The following ADORA2B variants were observed in gnomAD, a reference collection of about 807,000 sequenced individuals.
ADORA2B encodes adenosine receptor A2b.
A neutral mutation model predicts 20.8 loss-of-function variants in ADORA2B; 18 were observed. That is an observed-to-expected ratio of 0.87 (90% confidence interval 0.60 to 1.29). The LOEUF is 1.29. Ranked by LOEUF, ADORA2B falls within the 50% of genes most tolerant of loss-of-function variation. The pLI, the probability that ADORA2B is intolerant of heterozygous loss-of-function variation, is 0.00. For missense variants in ADORA2B, 441 were observed against 422.7 expected (o/e 1.04, Z -0.38); for synonymous variants, 179 against 178.3 (o/e 1.00, Z -0.03).
At chr17:15,885,366 G>A in the ADORA2B span, among the ~76,000 whole-genome samples, 1 of 152,168 alleles carries the variant, frequency 6.6e-6, no homozygotes. Context: ...ATAGACAGAA[G>A]GTTGTAAAAT....
chr17:15,946,285 CTATT>C (rs764797828), intron 1 of ADORA2B, among the ~76,000 whole-genome samples: 2 of 152,334 alleles, frequency 1.3e-5, no homozygotes, highest in South Asian at 2.1e-4. Context: ...CCTTGTGTAA[CTATT>C]TATCTCCTGC....
the ADORA2B span, among the ~76,000 whole-genome samples, chr17:15,906,838 A>G: frequency 6.6e-6 from 1 of 152,360 alleles, no homozygotes; most frequent in East Asian, 1.9e-4. Context: ...TTTCTTCACA[A>G]ATTCTCAAAT....
chr17:15,890,910 T>C, the ADORA2B span, among the ~76,000 whole-genome samples: 212 of 152,316 alleles, frequency 1.4e-3, 1 homozygote, highest in African/African-American at 4.9e-3. Context: ...GTGCTCTCCA[T>C]GTGCAGCACG....
chr17:15,862,829 CAG>C, the ADORA2B span, among the ~76,000 whole-genome samples: 1 of 141,442 alleles, frequency 7.1e-6, no homozygotes, highest in African/African-American at 2.7e-5. Flanking sequence ...TTTTGGGAGA[CAG>C]AGTCTCACTG....
chr17:15,877,456 G>A, the ADORA2B span, among the ~76,000 whole-genome samples: 1 of 152,088 alleles, frequency 6.6e-6, no homozygotes, highest in Non-Finnish European at 1.5e-5. Context: ...AGCTCCTGAT[G>A]TCAGTGTCTT....
intron 1 of ADORA2B, among the ~76,000 whole-genome samples, chr17:15,957,211 A>G (rs1315079351): frequency 6.6e-6 from 1 of 152,220 alleles, no homozygotes; most frequent in East Asian, 1.9e-4. Flanking sequence ...GATGCCAGCC[A>G]TGGAGTTCAG....
chr17:15,863,726 C>T, the ADORA2B span, among the ~76,000 whole-genome samples: 49,352 of 151,856 alleles, frequency 0.32, 8,633 homozygotes, highest in African/African-American at 0.45. Flanking sequence ...TGTATAGATA[C>T]CCTTAATTCA....
the ADORA2B span, among the ~76,000 whole-genome samples, chr17:15,865,382 C>A: frequency 2.0e-5 from 3 of 151,474 alleles, no homozygotes; most frequent in African/African-American, 7.3e-5. Flanking sequence ...CTGCCTCGAC[C>A]TCCGGAGTAG....
the ADORA2B span, among the ~76,000 whole-genome samples, chr17:15,900,827 G>A: frequency 6.6e-6 from 1 of 152,182 alleles, no homozygotes; most frequent in South Asian, 2.1e-4. Context: ...GCGTTTCCCA[G>A]ATCTTAGAAA....
At chr17:15,888,815 CATATATATATATATATATAT>C in the ADORA2B span, among the ~76,000 whole-genome samples, 5 of 15,734 alleles carry the variant, frequency 3.2e-4, no homozygotes, top group South Asian at 3.4e-3. Flanking sequence ...TATGTGATGC[CATATATATATATATATATAT>C]ATATATATAT....
chr17:15,921,056 C>CGAT, the ADORA2B span, among the ~76,000 whole-genome samples: 1 of 152,274 alleles, frequency 6.6e-6, no homozygotes, highest in Non-Finnish European at 1.5e-5. Context: ...GCCTTCCGAT[C>CGAT]ATTCCAGGAT....
At chr17:15,856,562 G>A in the ADORA2B span, among the ~76,000 whole-genome samples, 2 of 152,136 alleles carry the variant, frequency 1.3e-5, no homozygotes, top group Non-Finnish European at 2.9e-5. Context: ...AAGATAGGAA[G>A]ATGTGGGAAA....
At chr17:15,885,032 G>C in the ADORA2B span, among the ~76,000 whole-genome samples, 1 of 152,100 alleles carries the variant, frequency 6.6e-6, no homozygotes, top group Non-Finnish European at 1.5e-5. Context: ...TTTACACTCC[G>C]ACCAGCAGTG....
At chr17:15,936,524 T>C in the ADORA2B span, among the ~76,000 whole-genome samples, 1 of 152,038 alleles carries the variant, frequency 6.6e-6, no homozygotes, top group Non-Finnish European at 1.5e-5. Flanking sequence ...TTCACCATGT[T>C]GGTTAGGCTG....
At chr17:15,937,602 C>T in the ADORA2B span, among the ~76,000 whole-genome samples, 21 of 149,698 alleles carry the variant, frequency 1.4e-4, no homozygotes, top group Admixed American at 1.2e-3. Flanking sequence ...AATGGAGTTT[C>T]GCTCTTGTTA....
At chr17:15,936,721 G>A in the ADORA2B span, among the ~76,000 whole-genome samples, 267 of 152,320 alleles carry the variant, frequency 1.8e-3, 2 homozygotes, top group African/African-American at 6.1e-3. Context: ...TTTGGGCACC[G>A]GAGGCAGAAG....
the ADORA2B span, among the ~76,000 whole-genome samples, chr17:15,887,104 C>T: frequency 7.6e-6 from 1 of 130,780 alleles, no homozygotes; most frequent in East Asian, 2.0e-4. Flanking sequence ...GGCCCAGCCA[C>T]TCCTGAGATG....
At chr17:15,873,005 T>C in the ADORA2B span, among the ~76,000 whole-genome samples, 2 of 152,168 alleles carry the variant, frequency 1.3e-5, no homozygotes, top group Admixed American at 1.3e-4. Flanking sequence ...TGTGTTCAAC[T>C]TTTCCCCATT....
the ADORA2B span, among the ~76,000 whole-genome samples, chr17:15,889,755 G>T: frequency 1.6e-5 from 2 of 128,420 alleles, no homozygotes; most frequent in African/African-American, 3.3e-5. Context: ...AAAATTAGCC[G>T]GGTGTGGTAG....
Sources: allele counts gnomAD v4.1 joint callset (sites outside exome capture counted in the v4.1 genomes callset), GRCh38; gene constraint gnomAD v4.1.1; transcripts MANE v1.5; gene names NCBI Gene and HGNC (gene_info 2026-07-23, HGNC 2026-07-21).